PMAIP1: variants seen among roughly 807,000 people sequenced by gnomAD.
PMAIP1 encodes the protein phorbol-12-myristate-13-acetate-induced protein 1.
In PMAIP1, 3 loss-of-function variants were observed where a neutral mutation model predicts 3.7. The ratio of observed to expected loss-of-function variants is 0.82; its 90% CI spans 0.37 to 2.12. PMAIP1 has a LOEUF of 2.12. PMAIP1 is among the 30% of genes most tolerant of loss of function. The pLI is 0.06. For missense variants in PMAIP1, 77 were observed against 67.1 expected (o/e 1.15, Z -0.52); for synonymous variants, 29 against 26.2 (o/e 1.11, Z -0.32).
intron 1 of PMAIP1, 164 bp downstream of exon 1, chr18:59,900,399 C>G (rs746293413): frequency 1.9e-6 from 3 of 1,549,612 alleles, no homozygotes; most frequent in Admixed American, 2.0e-5. Flanking sequence ...AGGGGCGCCT[C>G]CAGAAAGTTC....
chr18:59,903,798 A>G lies in PMAIP1; in HGVS notation c.*1045A>G, dbSNP rs74255491. 9 of 152,268 alleles carry G rather than the reference A, an allele frequency of 5.9e-5. No individual in the cohort carries two copies. The East Asian group carries it at 9.6e-4, about 16-fold the overall frequency. The allele number at this position is 152,268 out of a possible 1,614,324, so 9.4% of individuals were successfully genotyped here. Reference sequence around the variant, plus strand: ...GAAAGTTCCATATATGCATTGGTGAATATATATGTATACACATACTTACAT... The same window carrying G: ...GAAAGTTCCATATATGCATTGGTGAGTATATATGTATACACATACTTACAT... On this transcript the variant is annotated 3_prime_UTR_variant, in exon 2 of 2. Transcript: ENST00000316660.
Position 59,903,089 on chromosome 18 carries a change from C to G in PMAIP1, c.*336C>G, listed in dbSNP as rs971073051. 4 of 559,156 alleles carry G rather than the reference C, an allele frequency of 7.2e-6. No individual in the cohort carries two copies. In the African/African-American group the frequency reaches 7.5e-5, roughly 11 times the overall value. The allele number at this position is 559,156 out of a possible 1,614,324, so 34.6% of individuals were successfully genotyped here. On this transcript the variant is annotated 3_prime_UTR_variant, in exon 2 of 2. Transcript: ENST00000316660. ...GTTTTTGCCGAAGATTACCGCTGGC[C>G]TACTGTGAAGGGAGATGACCTGTGA...
At position 59,902,729 on chromosome 18, in the gene PMAIP1, C is replaced by A; in HGVS notation, c.141C>A (p.Ser47=). Residue 47 remains serine, a synonymous_variant, in exon 2 of 2, where the codon TCC becomes TCA. Coordinates refer to ENST00000316660, the MANE Select transcript of PMAIP1 (RefSeq NM_021127.3). ...GGCAGAAACTTCTGAATCTGATATC[C>A]AAACTCTTCTGCTCAGGAACCTGAC... ...NFRQKLLNLI[S]KLFCSGT The A allele has an allele frequency of 6.2e-7, 1 of 1,614,132 alleles. No homozygotes were observed. The highest frequency in any genetic ancestry group is 8.5e-7 in the Non-Finnish European group (1 of 1,179,996).
At chr18:59,900,431 C>T (rs1360411761) in intron 1 of PMAIP1, 196 bp downstream of exon 1, 8 of 1,507,442 alleles carry the variant, frequency 5.3e-6, no homozygotes, top group African/African-American at 1.4e-5. Context: ...TCCCCAGGAC[C>T]GGCGGGTACG....
At chr18:59,900,406 G>C (rs11663656) in intron 1 of PMAIP1, 171 bp downstream of exon 1, 334,005 of 1,549,650 alleles carry the variant, frequency 0.22, 37,866 homozygotes, top group East Asian at 0.39. Flanking sequence ...CCTCCAGAAA[G>C]TTCTTCGGGG....
chr18:59,902,759 T>A lies in PMAIP1; in HGVS notation c.*6T>A, dbSNP rs1394283053. 1.9e-6 allele frequency: 3 copies of A among 1,614,160 alleles called. No individual in the cohort carries two copies. The Admixed American group carries it at 5.0e-5, about 27-fold the overall frequency. ...TCTTCTGCTCAGGAACCTGACTGCA[T>A]CAAAAACTTGCATGAGGGGACTCCT... On this transcript the variant is annotated 3_prime_UTR_variant, in exon 2 of 2. Transcript: ENST00000316660.
intron 1 of PMAIP1, among the ~76,000 whole-genome samples, chr18:59,901,990 G>A (rs1011674089): frequency 4.6e-5 from 7 of 152,144 alleles, no homozygotes; most frequent in African/African-American, 1.2e-4. Flanking sequence ...GAAGAAGTGG[G>A]TTTACATTAA....
chr18:59,900,010 A>G lies in PMAIP1; in HGVS notation c.-168A>G. On this transcript the variant is annotated 5_prime_UTR_variant, in exon 1 of 2. Coordinates refer to ENST00000316660, the MANE Select transcript of PMAIP1 (RefSeq NM_021127.3). ...GCGGGGATCTCAGAGTTTCCCGGGC[A>G]CTCACCGTGTGTAGTTGGCATCTCC... 1 of 580,522 alleles carries G rather than the reference A, an allele frequency of 1.7e-6. No homozygotes were observed. The highest frequency in any genetic ancestry group is 2.9e-6 in the Non-Finnish European group (1 of 349,122). The allele number at this position is 580,522 out of a possible 1,614,324, so 36.0% of individuals were successfully genotyped here. A position where few individuals can be genotyped will look rare whatever the true frequency, so the allele number is the denominator to read the frequency against.
At chr18:59,900,508 A>G in intron 1 of PMAIP1, 1 of 1,550,494 alleles carries the variant, frequency 6.4e-7, no homozygotes, top group East Asian at 2.4e-5. Flanking sequence ...CAGGGGCAAA[A>G]AGCTCCTTTC....
intron 1 of PMAIP1, 150 bp downstream of exon 1, chr18:59,900,385 C>A (rs1006216276): frequency 1.4e-5 from 22 of 1,547,402 alleles, no homozygotes; most frequent in Non-Finnish European, 1.6e-5. Context: ...CTGGCGCGAG[C>A]CTTAGGGGCG....
rs1308957262 is a variant in PMAIP1 at position 59,902,708 on chromosome 18, G to C, written c.120G>C (p.Gln40His). 1 of 1,614,196 alleles carries C rather than the reference G, an allele frequency of 6.2e-7. No individual in the cohort carries two copies. Among genetic ancestry groups the C allele is most frequent in the Non-Finnish European group, 8.5e-7 (1 of 1,180,026 alleles). Residue 40 changes from glutamine to histidine, a missense_variant, in exon 2 of 2, where the codon CAG (glutamine) becomes CAC (histidine). Physicochemically the swap from Gln to His is conservative, Grantham distance 24 (BLOSUM62 0). Transcript: ENST00000316660. ...RRFGDKLNFR[Q>H]KLLNLISKLF... ...TTGGAGACAAACTGAACTTCCGGCA[G>C]AAACTTCTGAATCTGATATCCAAAC...
In PMAIP1 at chr18:59,900,022, T is replaced by G; in HGVS notation, c.-156T>G. On this transcript the variant is annotated 5_prime_UTR_variant, in exon 1 of 2. Coordinates refer to ENST00000316660, the MANE Select transcript of PMAIP1 (RefSeq NM_021127.3). ...GAGTTTCCCGGGCACTCACCGTGTG[T>G]AGTTGGCATCTCCGCGCGTCCGGAC... 7.8e-6 allele frequency: 5 copies of G among 638,152 alleles called. No homozygotes were observed. The highest frequency in any genetic ancestry group is 1.3e-5 in the Non-Finnish European group (5 of 394,014). 39.5% of individuals were successfully genotyped at this position (638,152 alleles called of 1,614,324 possible).
intron 1 of PMAIP1, among the ~76,000 whole-genome samples, chr18:59,901,321 T>G (rs1044699073): frequency 1.3e-5 from 2 of 152,226 alleles, no homozygotes; most frequent in Non-Finnish European, 2.9e-5. Context: ...ACATTTTTGG[T>G]GAAAGGGATA....
intron 1 of PMAIP1, chr18:59,900,446 G>C (rs766299291): frequency 6.5e-7 from 1 of 1,543,004 alleles, no homozygotes. Flanking sequence ...GGTACGGCGG[G>C]TACGGCGAGG....
In PMAIP1 at chr18:59,903,298, T is replaced by G. The variant is rs1352230086; in HGVS notation, c.*545T>G. On this transcript the variant is annotated 3_prime_UTR_variant, in exon 2 of 2. Transcript: ENST00000316660. ...TTATACTCAGTGTTGATTTCTTCGG[T>G]CACTACACAACGTAAAATCATTTGT... 1 of 163,734 alleles carries G rather than the reference T, an allele frequency of 6.1e-6. No homozygotes were observed. The highest frequency in any genetic ancestry group is 2.4e-5 in the African/African-American group (1 of 41,672). 10.1% of individuals were successfully genotyped at this position (163,734 alleles called of 1,614,324 possible). A position where few individuals can be genotyped will look rare whatever the true frequency, so the allele number is the denominator to read the frequency against.
intron 1 of PMAIP1, chr18:59,900,818 T>A: frequency 2.1e-6 from 1 of 476,828 alleles, no homozygotes; most frequent in Non-Finnish European, 3.7e-6. Context: ...CCCCGATACA[T>A]ACAGCTCCAT....
chr18:59,902,662 G>T lies in PMAIP1; in HGVS notation c.74G>T (p.Cys25Phe), dbSNP rs1264337775. The T allele has an allele frequency of 1.2e-6, 2 of 1,613,846 alleles. No homozygotes were observed. Among genetic ancestry groups the T allele is most frequent in the African/African-American group, 2.7e-5 (2 of 74,930 alleles). Residue 25 changes from cysteine to phenylalanine, a missense_variant, in exon 2 of 2, where the codon TGT becomes TTT. By Grantham distance (205) the Cys-to-Phe change is radical (BLOSUM62 -2). Transcript: ENST00000316660. The part of the protein sequence containing the change: ...ARAPAELEVE[C>F]ATQLRRFGDK... Reference sequence around the variant, plus strand: ...TCCTTCTCAGAGCTGGAAGTCGAGTGTGCTACTCAACTCAGGAGATTTGGA... The same window carrying T: ...TCCTTCTCAGAGCTGGAAGTCGAGTTTGCTACTCAACTCAGGAGATTTGGA...
chr18:59,900,374 C>T (rs2055752876), intron 1 of PMAIP1, 139 bp downstream of exon 1: 1 of 1,544,248 alleles, frequency 6.5e-7, no homozygotes, highest in South Asian at 1.2e-5. Context: ...AGGTCTGTGC[C>T]CTGGCGCGAG....
At position 59,902,971 on chromosome 18, in the gene PMAIP1, A is replaced by G; in HGVS notation, c.*218A>G. 1 of 711,706 alleles carries G rather than the reference A, an allele frequency of 1.4e-6. No homozygotes were observed. Among genetic ancestry groups the G allele is most frequent in the Non-Finnish European group, 2.4e-6 (1 of 423,970 alleles). The allele number at this position is 711,706 out of a possible 1,614,324, so 44.1% of individuals were successfully genotyped here. On this transcript the variant is annotated 3_prime_UTR_variant, in exon 2 of 2. Transcript: ENST00000316660. ...TGGGATGAGAGAACATTATAAAACC[A>G]CTTTGTTTATTTTAAAGCAAGAATG...
Sources: allele counts gnomAD v4.1 joint callset (sites outside exome capture counted in the v4.1 genomes callset), GRCh38; gene constraint gnomAD v4.1.1; transcripts MANE v1.5; gene names NCBI Gene and HGNC (gene_info 2026-07-23, HGNC 2026-07-21).